The following MACROH2A1 variants were observed in gnomAD, a reference collection of about 807,000 sequenced individuals.
MACROH2A1 encodes core histone macro-H2A.1.
A neutral mutation model predicts 31.6 loss-of-function variants in MACROH2A1; 2 were observed. That is an observed-to-expected ratio of 0.06 (90% CI 0.03 to 0.20). The LOEUF is 0.20. Among genes scored for constraint, MACROH2A1 ranks in the 10% least tolerant of loss-of-function variants. The pLI is 1.00. For synonymous variants in MACROH2A1, 169 were observed against 189.6 expected (o/e 0.89, Z 0.89); for missense variants, 230 against 474.0 (o/e 0.49, Z 4.78).
chr5:135,353,728 G>A lies in MACROH2A1; in HGVS notation c.589-683C>T, dbSNP rs188531305. 3.3e-5 allele frequency: 5 copies of A among 152,354 alleles called. No individual in the cohort carries two copies. The East Asian group carries it at 9.6e-4, about 29-fold the overall frequency. 9.4% of individuals were successfully genotyped at this position (152,354 alleles called of 1,614,324 possible). A position where few individuals can be genotyped will look rare whatever the true frequency, so the allele number is the denominator to read the frequency against. ...TGGTTTTCACCTTGTTGGTCAGGTTGCTCTGAGACTCAATGGGTGGCTTAT... is the reference window on the plus strand; with the variant it reads ...TGGTTTTCACCTTGTTGGTCAGGTTACTCTGAGACTCAATGGGTGGCTTAT... On this transcript the variant is annotated intron_variant, in intron 5 of 8. Coordinates refer to ENST00000511689, the MANE Select transcript of MACROH2A1 (RefSeq NM_138610.3).
chr5:135,385,325 C>G (rs543847468), intron 2 of MACROH2A1, among the ~76,000 whole-genome samples: 1 of 152,374 alleles, frequency 6.6e-6, no homozygotes, highest in Non-Finnish European at 1.5e-5. Context: ...CACCCACTTG[C>G]AGTCCTGTCT....
At chr5:135,351,719 A>G (rs969327389) in intron 6 of MACROH2A1, among the ~76,000 whole-genome samples, 1 of 150,402 alleles carries the variant, frequency 6.6e-6, no homozygotes. Flanking sequence ...CGTGTCACCA[A>G]GCCCAGCTAA....
chr5:135,390,891 T>C (rs976859446), intron 1 of MACROH2A1, among the ~76,000 whole-genome samples: 13 of 152,196 alleles, frequency 8.5e-5, no homozygotes, highest in Non-Finnish European at 1.6e-4. Context: ...CTGGGGCTAC[T>C]GTGTAGACAG....
chr5:135,335,150 G>GAGA lies in MACROH2A1; in HGVS notation c.954-12_954-10dup. 1 of 1,612,940 alleles carries GAGA rather than the reference G, an allele frequency of 6.2e-7. No individual in the cohort carries two copies. The highest frequency in any genetic ancestry group is 8.5e-7 in the Non-Finnish European group (1 of 1,178,938). ...GCTTTGGAAAACCGTTCCTGGAGAA[G>GAGA]AGAAGATAAGCACTCAGCAACTGGG... On this transcript the variant is annotated splice_polypyrimidine_tract_variant and intron_variant, in intron 8 of 8. Coordinates refer to ENST00000511689, the MANE Select transcript of MACROH2A1 (RefSeq NM_138610.3).
chr5:135,346,908 C>A (rs920740182), intron 6 of MACROH2A1: 1 of 152,242 alleles, frequency 6.6e-6, no homozygotes, highest in African/African-American at 2.4e-5. Flanking sequence ...CCTATGAGAA[C>A]TCTGGGTTGA....
At chr5:135,396,321 G>A (rs1357480878) in intron 1 of MACROH2A1, among the ~76,000 whole-genome samples, 2 of 152,180 alleles carry the variant, frequency 1.3e-5, no homozygotes, top group African/African-American at 4.8e-5. Flanking sequence ...CCGAGTAGAC[G>A]TGTTCCCAAT....
chr5:135,338,317 CT>C (rs1759155395), intron 8 of MACROH2A1, among the ~76,000 whole-genome samples: 1 of 152,196 alleles, frequency 6.6e-6, no homozygotes, highest in African/African-American at 2.4e-5. Flanking sequence ...ACTTCGGTGC[CT>C]TGTTTCCCCA....
intron 2 of MACROH2A1, 74 bp from the exon 3 acceptor site, chr5:135,370,216 G>C: frequency 1.1e-6 from 1 of 914,378 alleles, no homozygotes; most frequent in African/African-American, 1.6e-5. Context: ...CACATTCACA[G>C]TGCCAGGAAT....
At chr5:135,387,959 A>G (rs751807708) in intron 2 of MACROH2A1, among the ~76,000 whole-genome samples, 2 of 152,152 alleles carry the variant, frequency 1.3e-5, no homozygotes, top group Middle Eastern at 3.4e-3. Context: ...TTGAAGATCA[A>G]ATTTGAGGTG....
chr5:135,375,362 ATG>A (rs1764720374), intron 2 of MACROH2A1, among the ~76,000 whole-genome samples: 1 of 152,202 alleles, frequency 6.6e-6, no homozygotes, highest in Non-Finnish European at 1.5e-5. Context: ...GGATAACAGC[ATG>A]GTTTGGCAGC....
rs766176757 is a variant in MACROH2A1, at chr5:135,334,946, A to T, written c.*30T>A. 39 of 1,588,432 alleles carry T rather than the reference A, an allele frequency of 2.5e-5. No homozygotes were observed. ...TTCTTTTAAACTGAAGGTGGGGTAC[A>T]TGGTGCAGCTGGTTCTGTCATTGCT... On this transcript the variant is annotated 3_prime_UTR_variant, in exon 9 of 9. Coordinates refer to ENST00000511689, the MANE Select transcript of MACROH2A1 (RefSeq NM_138610.3).
intron 1 of MACROH2A1, among the ~76,000 whole-genome samples, chr5:135,389,821 C>G (rs999681360): frequency 6.6e-6 from 1 of 152,244 alleles, no homozygotes; most frequent in Non-Finnish European, 1.5e-5. Context: ...CTGGTCATCA[C>G]TATTTTAATC....
chr5:135,353,344 G>A, intron 5 of MACROH2A1: 1 of 352,012 alleles, frequency 2.8e-6, no homozygotes, highest in South Asian at 3.2e-5. Flanking sequence ...CTTGTGATCT[G>A]GGGGCCAAAG....
chr5:135,399,108 G>T lies in MACROH2A1; in HGVS notation c.-80C>A. On this transcript the variant is annotated 5_prime_UTR_variant, in exon 1 of 9. Transcript: ENST00000511689. This position sits in a 1 kb window ranked among gnomAD's most constrained non-coding sequence, Gnocchi z 4.5. ...CGGCAGCTGCAAGGTGTCTCGGCCT[G>T]AGCCCTCCTGGCCGCTCGCGCCTTT... 1 of 152,328 alleles carries T rather than the reference G, an allele frequency of 6.6e-6. No individual in the cohort carries two copies. The highest frequency in any genetic ancestry group is 1.8e-4 in the South Asian group (1 of 5,474). The allele number at this position is 152,328 out of a possible 1,614,324, so 9.4% of individuals were successfully genotyped here.
At chr5:135,340,320 G>C (rs902516564) in intron 8 of MACROH2A1, among the ~76,000 whole-genome samples, 1 of 152,088 alleles carries the variant, frequency 6.6e-6, no homozygotes, top group African/African-American at 2.4e-5. Flanking sequence ...TGCAGATAAA[G>C]GGTTTAGCAC....
At chr5:135,359,351 T>C (rs1762555968) in intron 5 of MACROH2A1, 1 of 984,480 alleles carries the variant, frequency 1.0e-6, no homozygotes, top group South Asian at 4.7e-5. Context: ...GGCAGTTGTC[T>C]TCACTGCTGA....
At chr5:135,364,117 A>C (rs1460359980) in intron 4 of MACROH2A1, among the ~76,000 whole-genome samples, 3 of 152,184 alleles carry the variant, frequency 2.0e-5, no homozygotes, top group Admixed American at 2.0e-4. Flanking sequence ...GGAAACCATC[A>C]TTCTCAGCAA....
intron 1 of MACROH2A1, among the ~76,000 whole-genome samples, chr5:135,389,865 C>G (rs1175708978): frequency 6.6e-6 from 1 of 152,198 alleles, no homozygotes; most frequent in African/African-American, 2.4e-5. Flanking sequence ...AAAGGTCTCC[C>G]TACCAGAGCC....
intron 2 of MACROH2A1, among the ~76,000 whole-genome samples, chr5:135,380,375 A>AT (rs1765501422): frequency 6.6e-6 from 1 of 152,188 alleles, no homozygotes; most frequent in African/African-American, 2.4e-5. Flanking sequence ...TAACTCTTTC[A>AT]TTAATCAATC....
Sources: gnomAD v4.1 joint callset for allele counts (sites outside exome capture counted in the v4.1 genomes callset) on GRCh38, gnomAD v4.1.1 for gene constraint, Gnocchi (gnomAD v3.1) non-coding constraint, MANE v1.5 for transcripts, NCBI Gene and HGNC (gene_info 2026-07-23, HGNC 2026-07-21) for gene names.